CXCL13: variants seen among roughly 807,000 people sequenced by gnomAD.
CXCL13 encodes C-X-C motif chemokine ligand 13, also known as C-X-C motif chemokine 13.
Under a neutral mutation model 12.2 loss-of-function variants are expected in CXCL13, and 7 were observed. The ratio of observed to expected loss-of-function variants is 0.57; its 90% CI spans 0.33 to 1.07. The LOEUF (loss-of-function observed/expected upper bound fraction) is 1.07, where lower values mean the gene tolerates loss of function less well. Ranked by LOEUF, CXCL13 falls within the 50% of genes least tolerant of loss-of-function variation. CXCL13 has a pLI of 0.04. For synonymous variants in CXCL13, 47 were observed against 42.4 expected (o/e 1.11, Z -0.42); for missense variants, 113 against 127.4 (o/e 0.89, Z 0.55).
intron 1 of CXCL13, among the ~76,000 whole-genome samples, chr4:77,525,986 GACAA>G (rs1354282424): frequency 1.3e-5 from 2 of 150,038 alleles, no homozygotes; most frequent in African/African-American, 4.9e-5. Flanking sequence ...GCCACAACAT[GACAA>G]ACAATGAGCA....
rs1457072542 is a variant in CXCL13, at chr4:77,611,396, G to A, written c.*357G>A. ...TTTAAGCCTCAAATTTGAACATGTG[G>A]CTTGAATTAAGAAGAAAATTATGGC... On this transcript the variant is annotated 3_prime_UTR_variant, in exon 4 of 4. Coordinates refer to ENST00000682537, the MANE Select transcript of CXCL13 (RefSeq NM_001371558.1). 5.5e-6 allele frequency: 2 copies of A among 365,594 alleles called. No homozygotes were observed. Among genetic ancestry groups the A allele is most frequent in the Admixed American group, 4.5e-5 (1 of 22,012 alleles). The allele number at this position is 365,594 out of a possible 1,614,324, so 22.6% of individuals were successfully genotyped here.
At chr4:77,602,757 C>A (rs1209281392), upstream of CXCL13, among the ~76,000 whole-genome samples, 1 of 152,110 alleles carries the variant, frequency 6.6e-6, no homozygotes, top group African/African-American at 2.4e-5. Flanking sequence ...TCTATAAAAT[C>A]TATTTTAAAA....
At chr4:77,543,554 TGTCC>T (rs1023808093) in intron 1 of CXCL13, among the ~76,000 whole-genome samples, 23 of 152,284 alleles carry the variant, frequency 1.5e-4, no homozygotes, top group African/African-American at 5.3e-4. Flanking sequence ...ATTGTGTCTC[TGTCC>T]ATCTTTATTT....
At chr4:77,518,605 C>T (rs1578032305) in intron 1 of CXCL13, among the ~76,000 whole-genome samples, 1 of 152,202 alleles carries the variant, frequency 6.6e-6, no homozygotes, top group South Asian at 2.1e-4. Context: ...GAGGCTTCTG[C>T]ATTCTTCACG....
At chr4:77,513,595 G>A (rs1310559425) in intron 1 of CXCL13, among the ~76,000 whole-genome samples, 1 of 152,012 alleles carries the variant, frequency 6.6e-6, no homozygotes, top group Non-Finnish European at 1.5e-5. Context: ...GGGACTACAG[G>A]TGCCCACCAC....
At chr4:77,579,815 C>T (rs548628470) in intron 1 of CXCL13, among the ~76,000 whole-genome samples, 21 of 152,276 alleles carry the variant, frequency 1.4e-4, no homozygotes, top group African/African-American at 4.1e-4. Context: ...AATGTGTTAG[C>T]GCTAAGCACT....
chr4:77,519,381 C>T (rs376408778), intron 1 of CXCL13, among the ~76,000 whole-genome samples: 1 of 152,180 alleles, frequency 6.6e-6, no homozygotes, highest in Non-Finnish European at 1.5e-5. Context: ...GAGCTGTAGA[C>T]CGGAGCTGTT....
At chr4:77,517,557 T>C (rs575335917) in intron 1 of CXCL13, among the ~76,000 whole-genome samples, 3 of 152,248 alleles carry the variant, frequency 2.0e-5, no homozygotes, top group Non-Finnish European at 4.4e-5. Context: ...TTTACCACTA[T>C]GTAATGGCCT....
chr4:77,515,237 G>A (rs1462191694), intron 1 of CXCL13, among the ~76,000 whole-genome samples: 3 of 152,180 alleles, frequency 2.0e-5, no homozygotes, highest in Non-Finnish European at 4.4e-5. Flanking sequence ...AAGTCAGGTA[G>A]CGTGATGCCT....
intron 1 of CXCL13, among the ~76,000 whole-genome samples, chr4:77,549,386 G>C (rs1322346720): frequency 6.6e-6 from 1 of 152,218 alleles, no homozygotes; most frequent in Non-Finnish European, 1.5e-5. Flanking sequence ...TGCTGGCAAA[G>C]AGCTGCCATC....
chr4:77,567,225 C>T lies in CXCL13; in HGVS notation c.-42-38599C>T, dbSNP rs560669172. 7.9e-5 allele frequency among the ~76,000 whole-genome samples: 12 copies of T among 152,306 alleles called. No individual in the cohort carries two copies. In the South Asian group the frequency reaches 2.1e-3, roughly 26 times the overall value. On this transcript the variant is annotated intron_variant, in intron 1 of 4. Transcript: ENST00000286758. Reference sequence around the variant, plus strand: ...AATTGCTCCTAACTCCACCGCCTATCCCAAACCTATAAGAACTAATGATAA... The same window carrying T: ...AATTGCTCCTAACTCCACCGCCTATTCCAAACCTATAAGAACTAATGATAA...
At chr4:77,520,830 C>T (rs1233077414) in intron 1 of CXCL13, among the ~76,000 whole-genome samples, 3 of 152,170 alleles carry the variant, frequency 2.0e-5, no homozygotes, top group African/African-American at 7.2e-5. Context: ...TTTGCCCATT[C>T]AGTATGATAT....
chr4:77,585,336 A>C (rs1726431256), intron 1 of CXCL13, among the ~76,000 whole-genome samples: 1 of 152,260 alleles, frequency 6.6e-6, no homozygotes, highest in African/African-American at 2.4e-5. Flanking sequence ...ATGAAAAATT[A>C]TTGCAAACGA....
At position 77,611,753 on chromosome 4, in the gene CXCL13, G is replaced by A. The variant is rs762421859; in HGVS notation, c.*714G>A. On this transcript the variant is annotated 3_prime_UTR_variant, in exon 4 of 4. Transcript: ENST00000682537. Reference sequence around the variant, plus strand: ...GACTTTTTTTGTGGGGGGCGGGGCCGGGGGGACTCTGGTATCTAATTCTTT... The same window carrying A: ...GACTTTTTTTGTGGGGGGCGGGGCCAGGGGGACTCTGGTATCTAATTCTTT... 6 of 370,246 alleles carry A rather than the reference G, an allele frequency of 1.6e-5. No homozygotes were observed. The highest frequency in any genetic ancestry group is 2.7e-5 in the Non-Finnish European group (6 of 225,288). The allele number at this position is 370,246 out of a possible 1,614,324, so 22.9% of individuals were successfully genotyped here.
At chr4:77,604,603 C>T (rs139902533), upstream of CXCL13, among the ~76,000 whole-genome samples, 143 of 151,956 alleles carry the variant, frequency 9.4e-4, no homozygotes, top group African/African-American at 3.3e-3. Flanking sequence ...GGAAGAACAT[C>T]GTAACAACTA....
At chr4:77,586,617 C>T (rs1726469816) in intron 1 of CXCL13, among the ~76,000 whole-genome samples, 1 of 152,180 alleles carries the variant, frequency 6.6e-6, no homozygotes. Flanking sequence ...TGCTAGGCTG[C>T]ATATTCAGGA....
chr4:77,537,668 G>A (rs989129014), intron 1 of CXCL13, among the ~76,000 whole-genome samples: 2 of 152,138 alleles, frequency 1.3e-5, no homozygotes, highest in Admixed American at 1.3e-4. Flanking sequence ...GTTTGGTTTT[G>A]TTTTACTGTG....
intron 1 of CXCL13, among the ~76,000 whole-genome samples, chr4:77,554,914 G>A (rs962646260): frequency 6.6e-6 from 1 of 151,878 alleles, no homozygotes; most frequent in Non-Finnish European, 1.5e-5. Context: ...ATAATTTGTA[G>A]GATACAGCTG....
At chr4:77,559,489 G>C (rs1304258204) in intron 1 of CXCL13, among the ~76,000 whole-genome samples, 1 of 152,326 alleles carries the variant, frequency 6.6e-6, no homozygotes, top group Non-Finnish European at 1.5e-5. Flanking sequence ...ACTCCCAGTA[G>C]CTGGGGCAAT....
Sources: allele counts gnomAD v4.1 joint callset (sites outside exome capture counted in the v4.1 genomes callset), GRCh38; gene constraint gnomAD v4.1.1; transcripts MANE v1.5; gene names NCBI Gene and HGNC (gene_info 2026-07-23, HGNC 2026-07-21).